Variants in IGSF21 observed in about 807,000 individuals in gnomAD.
IGSF21 encodes the protein immunoglobin superfamily member 21.
In IGSF21, 28 loss-of-function variants were observed where a neutral mutation model predicts 46.8. The ratio of observed to expected loss-of-function variants is 0.60; its 90% CI spans 0.44 to 0.82. IGSF21 has a LOEUF of 0.82. Among genes scored for constraint, IGSF21 ranks in the 40% least tolerant of loss-of-function variants. The probability of loss-of-function intolerance (pLI) is 0.00; values close to 1 mark genes in which losing one functional copy is unlikely to be tolerated. For missense variants in IGSF21, 624 were observed against 665.5 expected (o/e 0.94, Z 0.69); for synonymous variants, 284 against 273.6 (o/e 1.04, Z -0.38).
intron 1 of IGSF21, among the ~76,000 whole-genome samples, chr1:18,151,929 T>G (rs1196737155): frequency 6.6e-6 from 1 of 152,158 alleles, no homozygotes; most frequent in East Asian, 1.9e-4. Context: ...ACACTGGGTT[T>G]CAAGCAGGTT....
intron 4 of IGSF21, 192 bp from the exon 5 acceptor site, chr1:18,361,923 C>T: frequency 1.7e-6 from 1 of 580,556 alleles, no homozygotes. Flanking sequence ...GGGGAGGGCT[C>T]TTGTCTATAT....
In IGSF21 at chr1:18,168,319, C is replaced by A. The variant is rs542526309; in HGVS notation, c.71-59579C>A. Among the ~76,000 whole-genome samples the A allele has an allele frequency of 2.6e-5, 4 of 152,256 alleles. No individual in the cohort carries two copies. The East Asian group carries it at 5.8e-4, about 22-fold the overall frequency. On this transcript the variant is annotated intron_variant, in intron 1 of 9. Coordinates refer to ENST00000251296, the MANE Select transcript of IGSF21 (RefSeq NM_032880.5). ...GGGAGTTCAGGGTGATATACGGAGG[C>A]TTTTATGGCTGGTACTGGGCAGCTT...
chr1:18,336,615 G>A (rs527291840), intron 4 of IGSF21, among the ~76,000 whole-genome samples: 34 of 152,280 alleles, frequency 2.2e-4, no homozygotes, highest in African/African-American at 6.3e-4. Context: ...TCAATCTAAG[G>A]TGCCTTCAAG....
intron 1 of IGSF21, among the ~76,000 whole-genome samples, chr1:18,196,719 A>G (rs998991120): frequency 2.0e-5 from 3 of 152,206 alleles, no homozygotes; most frequent in African/African-American, 7.2e-5. Context: ...TGAGGCTCCA[A>G]GCAGGGAAGT....
intron 3 of IGSF21, among the ~76,000 whole-genome samples, chr1:18,302,757 G>A (rs979135703): frequency 1.3e-5 from 2 of 152,116 alleles, no homozygotes; most frequent in African/African-American, 2.4e-5. Context: ...GGAGGCTCCC[G>A]TTTCCAATTT....
At chr1:18,309,997 A>G (rs1011093408) in intron 3 of IGSF21, among the ~76,000 whole-genome samples, 6 of 152,134 alleles carry the variant, frequency 3.9e-5, no homozygotes, top group African/African-American at 1.4e-4. Context: ...TGATGGGCCA[A>G]GGGGGCTCTG....
Position 18,157,049 on chromosome 1 carries a change from G to T in IGSF21, c.70+48851G>T, listed in dbSNP as rs149912793. On this transcript the variant is annotated intron_variant, in intron 1 of 9. Coordinates refer to ENST00000251296, the MANE Select transcript of IGSF21 (RefSeq NM_032880.5). ...TGAGGCAGGAGAATTGCTTGAACCC[G>T]GAAGGCGGAGTTTGCAGAGAGCCGA... is the stretch of plus-strand genomic sequence containing the variant. 1.1e-3 allele frequency among the ~76,000 whole-genome samples: 168 copies of T among 152,174 alleles called. 1 individual carries two copies. The East Asian group carries it at 0.027, about 24-fold the overall frequency.
At chr1:18,158,978 C>G (rs891232577) in intron 1 of IGSF21, among the ~76,000 whole-genome samples, 6 of 152,180 alleles carry the variant, frequency 3.9e-5, no homozygotes, top group African/African-American at 1.4e-4. Flanking sequence ...CCCACTCATC[C>G]TTCGGGGCTC....
chr1:18,297,176 C>T (rs186016587), intron 3 of IGSF21, among the ~76,000 whole-genome samples: 69 of 152,264 alleles, frequency 4.5e-4, no homozygotes, highest in African/African-American at 1.6e-3. Flanking sequence ...CACCACCATC[C>T]TCTCCCCAAC....
intron 2 of IGSF21, among the ~76,000 whole-genome samples, chr1:18,247,729 G>A (rs1216875683): frequency 6.6e-6 from 1 of 152,164 alleles, no homozygotes; most frequent in African/African-American, 2.4e-5. Context: ...ACCAAATGCT[G>A]TCTAAACACT....
chr1:18,376,681 A>G (rs756655360), intron 7 of IGSF21, 119 bp from the exon 8 acceptor site: 13 of 952,810 alleles, frequency 1.4e-5, no homozygotes, highest in Non-Finnish European at 1.9e-5. Context: ...CAGGGCAGCC[A>G]CTCCTAACCC....
At chr1:18,196,911 G>A (rs1050099409) in intron 1 of IGSF21, among the ~76,000 whole-genome samples, 12 of 151,974 alleles carry the variant, frequency 7.9e-5, no homozygotes, top group African/African-American at 1.2e-4. Context: ...GAGCCGCCCC[G>A]TGCCCCTGTC....
intron 3 of IGSF21, among the ~76,000 whole-genome samples, chr1:18,333,339 T>C (rs1345299140): frequency 6.6e-6 from 1 of 152,196 alleles, no homozygotes; most frequent in Non-Finnish European, 1.5e-5. Context: ...AGCAATGACA[T>C]AGCCTCTGCA....
intron 1 of IGSF21, among the ~76,000 whole-genome samples, chr1:18,158,698 C>CA (rs1352154371): frequency 6.6e-6 from 1 of 152,184 alleles, no homozygotes; most frequent in African/African-American, 2.4e-5. Context: ...GGCTTGTGTT[C>CA]AAATCCCCAT....
chr1:18,263,190 C>A (rs1411169104), intron 2 of IGSF21, among the ~76,000 whole-genome samples: 7 of 152,186 alleles, frequency 4.6e-5, no homozygotes, highest in Admixed American at 3.3e-4. Context: ...CCATATCACA[C>A]TGAGTTTTTC....
chr1:18,242,321 T>A (rs1048720837), intron 2 of IGSF21, among the ~76,000 whole-genome samples: 1 of 152,132 alleles, frequency 6.6e-6, no homozygotes, highest in Admixed American at 6.5e-5. Context: ...TCTCTTTTGG[T>A]GAATGGTGGA....
At chr1:18,362,351 T>A in intron 5 of IGSF21, 121 bp downstream of exon 5, 1 of 692,168 alleles carries the variant, frequency 1.4e-6, no homozygotes, top group South Asian at 1.7e-5. Flanking sequence ...GGGCTGACTC[T>A]GTCCCCATCT....
At chr1:18,277,475 T>C (rs2085113319) in intron 2 of IGSF21, among the ~76,000 whole-genome samples, 1 of 152,166 alleles carries the variant, frequency 6.6e-6, no homozygotes, top group African/African-American at 2.4e-5. Flanking sequence ...TAGTAGGTGC[T>C]CAGGGAACCC....
intron 4 of IGSF21, among the ~76,000 whole-genome samples, chr1:18,346,072 A>G (rs936308798): frequency 6.6e-6 from 1 of 152,182 alleles, no homozygotes; most frequent in Admixed American, 6.5e-5. Context: ...GGAGGAGGAA[A>G]GCTGTTCTTA....
Sources: allele counts gnomAD v4.1 joint callset (sites outside exome capture counted in the v4.1 genomes callset), GRCh38; gene constraint gnomAD v4.1.1; transcripts MANE v1.5; gene names NCBI Gene and HGNC (gene_info 2026-07-23, HGNC 2026-07-21).